GPR39: variants seen among roughly 807,000 people sequenced by gnomAD.
The protein encoded by GPR39 is zinc sensing receptor.
A neutral mutation model predicts 18.4 loss-of-function variants in GPR39; 23 were observed. That is an observed-to-expected ratio of 1.25 (90% CI 0.90 to 1.77). The LOEUF is 1.77. GPR39 is among the 40% of genes most tolerant of loss of function. The probability of loss-of-function intolerance (pLI) is 0.00; values close to 1 mark genes in which losing one functional copy is unlikely to be tolerated. For synonymous variants in GPR39, 280 were observed against 257.9 expected (o/e 1.09, Z -0.82); for missense variants, 647 against 602.4 (o/e 1.07, Z -0.78).
intron 1 of GPR39, among the ~76,000 whole-genome samples, chr2:132,437,910 C>G (rs1196668489): frequency 6.6e-6 from 1 of 152,288 alleles, no homozygotes; most frequent in East Asian, 1.9e-4. Context: ...GAGCCTAACT[C>G]TGGGGCTGCA....
chr2:132,532,161 A>C (rs147431701), intron 1 of GPR39, among the ~76,000 whole-genome samples: 14,483 of 152,268 alleles, frequency 0.095, 826 homozygotes, highest in African/African-American at 0.14. Flanking sequence ...GACAAAGGGG[A>C]TATCACCACC....
In GPR39 at chr2:132,619,293, G is replaced by C. The variant is rs1029006774; in HGVS notation, c.857-25808G>C. Among the ~76,000 whole-genome samples the C allele has an allele frequency of 3.3e-5, 5 of 152,306 alleles. No homozygotes were observed. The East Asian group carries it at 7.7e-4, about 24-fold the overall frequency. The stretch of plus-strand genomic sequence containing the variant: ...ATTTGAGGCACTGGACTGGGTGGCT[G>C]AGAAATCCAGTGAAAGATCCGGCAA... On this transcript the variant is annotated intron_variant, in intron 1 of 1. Coordinates refer to ENST00000329321, the MANE Select transcript of GPR39 (RefSeq NM_001508.3).
intron 1 of GPR39, among the ~76,000 whole-genome samples, chr2:132,457,921 G>A (rs1680761055): frequency 6.6e-6 from 1 of 152,272 alleles, no homozygotes; most frequent in Admixed American, 6.5e-5. Flanking sequence ...GGCTCCGTGG[G>A]TGTGGGACCT....
chr2:132,607,457 G>A (rs1288091872), intron 1 of GPR39, among the ~76,000 whole-genome samples: 1 of 152,154 alleles, frequency 6.6e-6, no homozygotes, highest in Non-Finnish European at 1.5e-5. Flanking sequence ...CAATGTCTGG[G>A]ATTCTATTTT....
chr2:132,597,414 G>A (rs1680966637), intron 1 of GPR39, among the ~76,000 whole-genome samples: 1 of 152,178 alleles, frequency 6.6e-6, no homozygotes, highest in African/African-American at 2.4e-5. Context: ...ATGATGCACT[G>A]GGGACTCTGG....
intron 1 of GPR39, among the ~76,000 whole-genome samples, chr2:132,492,222 CAT>C: frequency 7.2e-6 from 1 of 139,268 alleles, no homozygotes; most frequent in East Asian, 2.1e-4. Context: ...ATATACATAC[CAT>C]ATATATACCA....
chr2:132,549,507 G>A (rs1421799684), intron 1 of GPR39, among the ~76,000 whole-genome samples: 1 of 152,196 alleles, frequency 6.6e-6, no homozygotes, highest in Non-Finnish European at 1.5e-5. Context: ...AGCTTCAGGA[G>A]GTCGGGCACG....
rs151327937 is a variant in GPR39, at chr2:132,429,833, G to A, written c.856+11935G>A. On this transcript the variant is annotated intron_variant, in intron 1 of 1. Coordinates refer to ENST00000329321, the MANE Select transcript of GPR39 (RefSeq NM_001508.3). ...TCTGGATGAAACTGGAATGGGCTCTGCTGTTTGTCCTAAGAACTCTGCATG... is the reference window on the plus strand; with the variant it reads ...TCTGGATGAAACTGGAATGGGCTCTACTGTTTGTCCTAAGAACTCTGCATG... Among the ~76,000 whole-genome samples the A allele has an allele frequency of 5.2e-3, 799 of 152,342 alleles. 7 individuals are homozygous for A. The highest frequency in any genetic ancestry group is 0.019 in the African/African-American group (779 of 41,576).
At chr2:132,505,212 G>A (rs899976932) in intron 1 of GPR39, among the ~76,000 whole-genome samples, 2 of 152,188 alleles carry the variant, frequency 1.3e-5, no homozygotes, top group African/African-American at 4.8e-5. Context: ...GTGAGAGGCC[G>A]AGTCTGCTAG....
At chr2:132,550,847 T>A (rs1203091884) in intron 1 of GPR39, among the ~76,000 whole-genome samples, 1 of 152,254 alleles carries the variant, frequency 6.6e-6, no homozygotes, top group African/African-American at 2.4e-5. Context: ...TAATGCTGAT[T>A]AAGCTGGGCT....
At chr2:132,639,729 T>C (rs1374222973) in intron 1 of GPR39, among the ~76,000 whole-genome samples, 1 of 152,184 alleles carries the variant, frequency 6.6e-6, no homozygotes, top group Non-Finnish European at 1.5e-5. Flanking sequence ...TCCCTTGGGC[T>C]GGGACTTTAC....
intron 1 of GPR39, among the ~76,000 whole-genome samples, chr2:132,528,812 T>A (rs1296341729): frequency 2.0e-5 from 3 of 152,232 alleles, no homozygotes; most frequent in African/African-American, 7.2e-5. Context: ...TGAAGTTTTT[T>A]ATCAGCTTAA....
At chr2:132,429,628 T>A (rs1680188873) in intron 1 of GPR39, among the ~76,000 whole-genome samples, 1 of 152,120 alleles carries the variant, frequency 6.6e-6, no homozygotes, top group African/African-American at 2.4e-5. Context: ...AGCCAGTGTG[T>A]GACAAATGGG....
intron 1 of GPR39, among the ~76,000 whole-genome samples, chr2:132,552,623 A>T (rs964160443): frequency 3.3e-5 from 5 of 151,940 alleles, no homozygotes; most frequent in African/African-American, 1.2e-4. Context: ...ATACAGGAGG[A>T]TGTGTGTATG....
chr2:132,451,851 A>C (rs1397095512), intron 1 of GPR39, among the ~76,000 whole-genome samples: 1 of 152,150 alleles, frequency 6.6e-6, no homozygotes, highest in Non-Finnish European at 1.5e-5. Flanking sequence ...ATAAATCCCA[A>C]CTTGCTTTAG....
chr2:132,443,267 A>T (rs572735748), intron 1 of GPR39, among the ~76,000 whole-genome samples: 1 of 152,356 alleles, frequency 6.6e-6, no homozygotes, highest in Admixed American at 6.5e-5. Flanking sequence ...TAACTTATGA[A>T]TTATTTATGC....
At chr2:132,429,414 G>A (rs1680185310) in intron 1 of GPR39, among the ~76,000 whole-genome samples, 1 of 152,224 alleles carries the variant, frequency 6.6e-6, no homozygotes, top group African/African-American at 2.4e-5. Flanking sequence ...GCTTTTGGCT[G>A]CTTTTTATCT....
At chr2:132,639,526 T>C (rs78750161) in intron 1 of GPR39, among the ~76,000 whole-genome samples, 135 of 152,326 alleles carry the variant, frequency 8.9e-4, no homozygotes, top group Middle Eastern at 6.8e-3. Context: ...ATATCTTTGC[T>C]TGGGAGGTGA....
At chr2:132,443,998 C>T (rs1457816766) in intron 1 of GPR39, among the ~76,000 whole-genome samples, 1 of 152,062 alleles carries the variant, frequency 6.6e-6, no homozygotes, top group Non-Finnish European at 1.5e-5. Flanking sequence ...TCGCTTGAGC[C>T]TGGGAGGTGG....
Sources: allele counts gnomAD v4.1 joint callset (sites outside exome capture counted in the v4.1 genomes callset), GRCh38; gene constraint gnomAD v4.1.1; transcripts MANE v1.5; gene names NCBI Gene and HGNC (gene_info 2026-07-23, HGNC 2026-07-21).